SMPD3: variants seen among roughly 807,000 people sequenced by gnomAD.
SMPD3 encodes the protein sphingomyelin phosphodiesterase 3.
Under a neutral mutation model 55.7 loss-of-function variants are expected in SMPD3, and 21 were observed. That is an observed-to-expected ratio of 0.38 (90% confidence interval 0.27 to 0.54). SMPD3 has a LOEUF of 0.54. Among genes scored for constraint, SMPD3 ranks in the 20% least tolerant of loss-of-function variants. The pLI, the probability that SMPD3 is intolerant of heterozygous loss-of-function variation, is 0.80. For missense variants in SMPD3, 842 were observed against 899.6 expected (o/e 0.94, Z 0.82); for synonymous variants, 457 against 404.3 (o/e 1.13, Z -1.56).
intron 3 of SMPD3, chr16:68,368,902 C>T (rs2089569745): frequency 6.6e-6 from 1 of 152,142 alleles, no homozygotes; most frequent in South Asian, 2.1e-4. Flanking sequence ...ACCGGGTTTT[C>T]TGTGAAATAT....
At chr16:68,374,008 T>G (rs1228126672) in intron 2 of SMPD3, among the ~76,000 whole-genome samples, 1 of 152,248 alleles carries the variant, frequency 6.6e-6, no homozygotes, top group Non-Finnish European at 1.5e-5. Context: ...CCGGTGGCTC[T>G]CATCCCCGCC....
chr16:68,368,367 G>A (rs967034791), intron 3 of SMPD3: 1 of 152,598 alleles, frequency 6.6e-6, no homozygotes, highest in Non-Finnish European at 1.5e-5. Context: ...GGTACAAGGT[G>A]ACGTTCAGAC....
chr16:68,407,432 G>A (rs1356451608), intron 1 of SMPD3, among the ~76,000 whole-genome samples: 3 of 152,174 alleles, frequency 2.0e-5, no homozygotes, highest in Non-Finnish European at 4.4e-5. Flanking sequence ...TAAAATTCCT[G>A]ATTGGTAGGT....
chr16:68,443,450 A>G lies in SMPD3; in HGVS notation c.-269+4903T>C, dbSNP rs2090583975. On this transcript the variant is annotated intron_variant, in intron 1 of 8. Coordinates refer to ENST00000219334, the MANE Select transcript of SMPD3 (RefSeq NM_018667.4). ...CTGCTAGGAAATAAAGATAAGCTCT[A>G]TTTCTTTGGCTGTATGTGTACTCTT... Among the ~76,000 whole-genome samples the G allele has an allele frequency of 2.0e-5, 3 of 152,290 alleles. 1 individual carries two copies. The South Asian group carries it at 6.2e-4, about 32-fold the overall frequency.
intron 1 of SMPD3, among the ~76,000 whole-genome samples, chr16:68,415,254 C>T (rs569125650): frequency 7.8e-4 from 119 of 152,248 alleles, no homozygotes; most frequent in Non-Finnish European, 1.3e-3. Context: ...GAGTCCCTGA[C>T]ATTTGGGTTT....
chr16:68,361,858 C>CGG, intron 7 of SMPD3, 99 bp from the exon 8 acceptor site: 6 of 536,260 alleles, frequency 1.1e-5, no homozygotes, highest in Non-Finnish European at 1.6e-5. Flanking sequence ...AGTGTGGGAG[C>CGG]GGGTGGGTGG....
chr16:68,403,006 T>C (rs1040081844), intron 1 of SMPD3, among the ~76,000 whole-genome samples: 14 of 152,246 alleles, frequency 9.2e-5, no homozygotes, highest in Non-Finnish European at 4.4e-5. Context: ...ATTTGTACAC[T>C]GTGTCAGGGT....
At position 68,361,272 on chromosome 16, in the gene SMPD3, G is replaced by T; in HGVS notation, c.1902C>A (p.Ser634=). 6.2e-7 allele frequency: 1 copy of T among 1,612,140 alleles called. No homozygotes were observed. The highest frequency in any genetic ancestry group is 1.7e-5 in the Admixed American group (1 of 59,876). Residue 634 remains serine, a synonymous_variant, in exon 9 of 9, where the codon TCC becomes TCA. Transcript: ENST00000219334. ...CTACTGGCAGGTGGTCCGTCAGGCC[G>T]GACAGCTGGGTGATAAAACTGAATT... ...VEEFSFITQL[S]GLTDHLPVAM... is the part of the protein sequence containing the mutation.
intron 2 of SMPD3, among the ~76,000 whole-genome samples, chr16:68,376,408 C>T (rs943026197): frequency 6.6e-6 from 1 of 152,242 alleles, no homozygotes; most frequent in African/African-American, 2.4e-5. Flanking sequence ...TCTCTGCTTC[C>T]ATGTCCCTGG....
At chr16:68,401,441 T>C (rs537064835) in intron 1 of SMPD3, among the ~76,000 whole-genome samples, 1 of 151,774 alleles carries the variant, frequency 6.6e-6, no homozygotes. Flanking sequence ...GGAAGTGGAA[T>C]TGGGGGTGAT....
At position 68,371,276 on chromosome 16, in the gene SMPD3, C is replaced by G. The variant is rs140512715; in HGVS notation, c.906G>C (p.Leu302=). ...LGSPSASRES[L]VKGRAGPDTS... ...TGTCTGGCCCAGCTCGCCCCTTCAC[C>G]AGGGACTCCCGGGAGGCCGAGGGGC... The change falls in exon 3 of 9, where the codon CTG becomes CTC. Residue 302 remains leucine, a synonymous_variant. Transcript: ENST00000219334. 1.2e-6 allele frequency: 2 copies of G among 1,605,508 alleles called. No individual in the cohort carries two copies. The highest frequency in any genetic ancestry group is 1.7e-6 in the Non-Finnish European group (2 of 1,178,878).
intron 2 of SMPD3, among the ~76,000 whole-genome samples, chr16:68,373,592 G>C (rs563968119): frequency 8.5e-5 from 13 of 152,146 alleles, no homozygotes; most frequent in Non-Finnish European, 1.2e-4. Context: ...GGTCACCCAA[G>C]CCAGGGACCT....
At chr16:68,387,769 C>T (rs1051831336) in intron 1 of SMPD3, among the ~76,000 whole-genome samples, 9 of 152,242 alleles carry the variant, frequency 5.9e-5, no homozygotes, top group Admixed American at 5.9e-4. Context: ...TGACCTATCA[C>T]TCTTCACACC....
In SMPD3 at chr16:68,447,973, G is replaced by A. The variant is rs1285474654; in HGVS notation, c.-269+380C>T. Among the ~76,000 whole-genome samples, 1 of 152,110 alleles carries A rather than the reference G, an allele frequency of 6.6e-6. No homozygotes were observed. Among genetic ancestry groups the A allele is most frequent in the Admixed American group, 6.5e-5 (1 of 15,276 alleles). ...TAACCTCGAGCAGCCGAAGTGTTGC[G>A]GGGAGGGGTCCCCCTGCCTCGAGTC... is the stretch of plus-strand genomic sequence containing the variant. On this transcript the variant is annotated intron_variant, in intron 1 of 8. Transcript: ENST00000219334. This position sits in a 1 kb window ranked among gnomAD's most constrained non-coding sequence, Gnocchi z 5.1.
At chr16:68,391,853 T>C (rs577079919) in intron 1 of SMPD3, among the ~76,000 whole-genome samples, 18 of 152,342 alleles carry the variant, frequency 1.2e-4, no homozygotes, top group African/African-American at 4.1e-4. Flanking sequence ...GTATAGATGG[T>C]CTCTGACTTA....
chr16:68,374,852 C>A (rs1597613850), intron 2 of SMPD3, among the ~76,000 whole-genome samples: 1 of 152,204 alleles, frequency 6.6e-6, no homozygotes, highest in East Asian at 1.9e-4. Flanking sequence ...CCAGCTGGGG[C>A]CAGAGGGAGA....
chr16:68,399,287 G>T (rs933638686), intron 1 of SMPD3, among the ~76,000 whole-genome samples: 1 of 152,190 alleles, frequency 6.6e-6, no homozygotes, highest in Non-Finnish European at 1.5e-5. Flanking sequence ...CCTATTACCT[G>T]GCTCCTGCTC....
At chr16:68,374,335 G>T (rs759656526) in intron 2 of SMPD3, among the ~76,000 whole-genome samples, 14 of 152,256 alleles carry the variant, frequency 9.2e-5, no homozygotes, top group Non-Finnish European at 1.9e-4. Flanking sequence ...TTGAGCTGGG[G>T]CTGTATCTGG....
Position 68,375,928 on chromosome 16 carries a change from C to T in SMPD3, c.-206-3541G>A, listed in dbSNP as rs572882706. 1.9e-3 allele frequency among the ~76,000 whole-genome samples: 283 copies of T among 152,294 alleles called. 4 individuals carry two copies. The highest frequency in any genetic ancestry group is 6.8e-3 in the Middle Eastern group (2 of 294). ...CCCCTCCTAGTGACTCCAGGTCCCC[C>T]GTCCATAGCCCCTCGCCAGCTTCCC... On this transcript the variant is annotated intron_variant, in intron 2 of 8. Transcript: ENST00000219334.
Sources: gnomAD v4.1 joint callset for allele counts (sites outside exome capture counted in the v4.1 genomes callset) on GRCh38, gnomAD v4.1.1 for gene constraint, Gnocchi (gnomAD v3.1) non-coding constraint, MANE v1.5 for transcripts, NCBI Gene and HGNC (gene_info 2026-07-23, HGNC 2026-07-21) for gene names.